PHF19: variants seen among roughly 807,000 people sequenced by gnomAD.
PHF19 encodes polycomb like 3.
Under a neutral mutation model 79.8 loss-of-function variants are expected in PHF19, and 21 were observed. The ratio of observed to expected loss-of-function variants is 0.26; its 90% CI spans 0.19 to 0.38. PHF19 has a LOEUF of 0.38. Among genes scored for constraint, PHF19 ranks in the 10% least tolerant of loss-of-function variants. The pLI, the probability that PHF19 is intolerant of heterozygous loss-of-function variation, is 1.00. For missense variants in PHF19, 445 were observed against 744.2 expected, an observed-to-expected ratio of 0.60 and a Z score of 4.68; for synonymous variants, 273 against 296.3, an observed-to-expected ratio of 0.92 and a Z score of 0.81.
At chr9:120,867,943 G>A (rs971807035) in intron 6 of PHF19, among the ~76,000 whole-genome samples, 2 of 152,164 alleles carry the variant, frequency 1.3e-5, no homozygotes, top group Non-Finnish European at 2.9e-5. Flanking sequence ...GGCCCAGGTC[G>A]GCAAGGAAGA....
chr9:120,897,007 C>G (rs1485103733), upstream of PHF19, among the ~76,000 whole-genome samples: 2 of 152,250 alleles, frequency 1.3e-5, no homozygotes, highest in Non-Finnish European at 2.9e-5. Context: ...GAAGAAGGCC[C>G]AGGCTAGATG....
chr9:120,871,411 C>T (rs1417250571), intron 3 of PHF19, among the ~76,000 whole-genome samples: 1 of 152,178 alleles, frequency 6.6e-6, no homozygotes, highest in Non-Finnish European at 1.5e-5. Context: ...TCTACTGCAC[C>T]TATAAGTTAA....
intron 12 of PHF19, 75 bp downstream of exon 12, chr9:120,861,843 G>T: frequency 9.5e-7 from 1 of 1,047,412 alleles, no homozygotes; most frequent in Non-Finnish European, 1.5e-6. Context: ...GGGGGACTTA[G>T]TTTTCGGCAC....
At chr9:120,898,865 C>T (rs1410383729), upstream of PHF19, among the ~76,000 whole-genome samples, 3 of 152,044 alleles carry the variant, frequency 2.0e-5, no homozygotes, top group Non-Finnish European at 4.4e-5. Flanking sequence ...CCTGCAGTGC[C>T]GTGTCTGGCA....
At position 120,883,961 on chromosome 9, in the gene PHF19, T is replaced by C. The variant is rs1029435506; in HGVS notation, c.43-9205A>G. On this transcript the variant is annotated intron_variant, in intron 1 of 14. Transcript: ENST00000616568. ...TCTATGAACTCAGTCTAAGCTTTGT[T>C]TCTCCCTCACTCGGTAACCTAGGAT... is the stretch of plus-strand genomic sequence containing the variant. 2.6e-4 allele frequency among the ~76,000 whole-genome samples: 39 copies of C among 152,156 alleles called. 1 individual carries two copies. The highest frequency in any genetic ancestry group is 2.0e-4 in the Admixed American group (3 of 15,270).
Position 120,869,537 on chromosome 9 carries a change from G to C in PHF19, c.466-207C>G. 1 of 1,412,250 alleles carries C rather than the reference G, an allele frequency of 7.1e-7. No individual in the cohort carries two copies. Among genetic ancestry groups the C allele is most frequent in the Non-Finnish European group, 9.3e-7 (1 of 1,073,192 alleles). The allele number at this position is 1,412,250 out of a possible 1,614,324, so 87.5% of individuals were successfully genotyped here. ...GGAACTCCGTTGATAACAGAATTAA[G>C]AGTAATAAGCGCAATAAAGGCAACA... On this transcript the variant is annotated intron_variant, in intron 5 of 14. Transcript: ENST00000373896. The surrounding 1 kb of genome is among the most constrained non-coding windows in gnomAD (Gnocchi z 5.8).
chr9:120,894,020 G>GT (rs1358053461), intron 1 of PHF19, among the ~76,000 whole-genome samples: 1 of 152,190 alleles, frequency 6.6e-6, no homozygotes, highest in Non-Finnish European at 1.5e-5. Context: ...AGCGCTCCCA[G>GT]TTTTCACAAG....
Position 120,857,795 on chromosome 9 carries a change from T to TGGCAGGCA in PHF19, c.*141_*148dup, listed in dbSNP as rs35429932. On this transcript the variant is annotated 3_prime_UTR_variant, in exon 15 of 15. Transcript: ENST00000373896. ...CAGCAGAGAGACGCAGGCCTTGGCC[T>TGGCAGGCA]GGCAGGCAGGCAGGCAGGGCATTCT... 5 of 582,802 alleles carry TGGCAGGCA rather than the reference T, an allele frequency of 8.6e-6. No homozygotes were observed. Among genetic ancestry groups the TGGCAGGCA allele is most frequent in the Non-Finnish European group, 9.1e-6 (3 of 329,186 alleles). 36.1% of individuals were successfully genotyped at this position (582,802 alleles called of 1,614,324 possible).
intron 3 of PHF19, among the ~76,000 whole-genome samples, chr9:120,872,486 G>A (rs1022970012): frequency 6.6e-6 from 1 of 152,154 alleles, no homozygotes; most frequent in African/African-American, 2.4e-5. Context: ...GGTAAACCAG[G>A]AGAGGAGATC....
intron 1 of PHF19, among the ~76,000 whole-genome samples, chr9:120,887,631 CACACACACACACACACACACAG>C (rs1307622864): frequency 3.9e-4 from 34 of 87,062 alleles, no homozygotes; most frequent in Admixed American, 6.4e-4. Flanking sequence ...AACACACACA[CACACACACACACACACACACAG>C]ACACACACAC....
upstream of PHF19, chr9:120,877,289 T>C (rs2131574718): frequency 1.1e-6 from 1 of 947,514 alleles, no homozygotes; most frequent in Non-Finnish European, 1.3e-6. Context: ...GCCGGGGCGC[T>C]CAGGAAGGGG....
chr9:120,862,664 G>A lies in PHF19; in HGVS notation c.1054C>T (p.Leu352=). The change falls in exon 11 of 15, where the codon CTG becomes TTG. Residue 352 remains leucine (L), a synonymous_variant. Transcript: ENST00000373896. The surrounding 1 kb of genome is among the most constrained non-coding windows in gnomAD (Gnocchi z 4.6). ...TTTGGCAGCAGTCCTTTGTCAGGCA[G>A]CAGCTTCCCTGGCGGGTTGGGTGGG... ...RVPPNPPGKL[L]PDKGLLPNEN... is the part of the protein sequence containing the mutation. The A allele has an allele frequency of 1.9e-6, 3 of 1,614,164 alleles. No individual in the cohort carries two copies. Among genetic ancestry groups the A allele is most frequent in the Non-Finnish European group, 2.5e-6 (3 of 1,179,962 alleles).
At chr9:120,900,963 T>C in the PHF19 span, among the ~76,000 whole-genome samples, 1 of 152,242 alleles carries the variant, frequency 6.6e-6, no homozygotes, top group Non-Finnish European at 1.5e-5. Flanking sequence ...TGCCTGAGGA[T>C]TGCCTGTGGA....
intron 1 of PHF19, among the ~76,000 whole-genome samples, chr9:120,884,146 GT>G (rs1304371141): frequency 6.6e-6 from 1 of 152,244 alleles, no homozygotes; most frequent in African/African-American, 2.4e-5. Flanking sequence ...TTGTCTTCTT[GT>G]TTTTTATCAA....
At chr9:120,863,294 G>A (rs1438179978) in intron 10 of PHF19, among the ~76,000 whole-genome samples, 3 of 151,498 alleles carry the variant, frequency 2.0e-5, no homozygotes, top group African/African-American at 2.4e-5. Context: ...TAAACCATGA[G>A]AATGTGGAAG....
At chr9:120,893,207 T>A (rs919914732) in intron 1 of PHF19, among the ~76,000 whole-genome samples, 2 of 152,212 alleles carry the variant, frequency 1.3e-5, no homozygotes, top group Non-Finnish European at 2.9e-5. Context: ...AAGGCAGTAA[T>A]GTGTGCAACA....
chr9:120,896,609 GC>G (rs2046404808), upstream of PHF19, among the ~76,000 whole-genome samples: 1 of 151,766 alleles, frequency 6.6e-6, no homozygotes, highest in Non-Finnish European at 1.5e-5. Context: ...GCGCCACCAC[GC>G]CCGGCTAATT....
At chr9:120,873,524 G>C (rs1047442597) in intron 3 of PHF19, among the ~76,000 whole-genome samples, 1 of 152,178 alleles carries the variant, frequency 6.6e-6, no homozygotes, top group Non-Finnish European at 1.5e-5. Context: ...TCCTTGCCCC[G>C]TGGAGAAGGC....
At chr9:120,875,293 C>G (rs1276516268) in intron 1 of PHF19, among the ~76,000 whole-genome samples, 5 of 152,092 alleles carry the variant, frequency 3.3e-5, no homozygotes, top group Non-Finnish European at 5.9e-5. Flanking sequence ...TGTAATCCCC[C>G]CTTCTGTTCT....
Sources: allele counts gnomAD v4.1 joint callset (sites outside exome capture counted in the v4.1 genomes callset), GRCh38; gene constraint gnomAD v4.1.1; non-coding constraint Gnocchi (gnomAD v3.1); transcripts MANE v1.5; gene names NCBI Gene and HGNC (gene_info 2026-07-23, HGNC 2026-07-21).